The following GRIA1 variants were observed in gnomAD, a reference collection of about 807,000 sequenced individuals.
GRIA1 encodes the protein glutamate receptor 1.
GRIA1 carries 31 observed loss-of-function variants against 99.2 expected under a neutral mutation model. That is an observed-to-expected ratio of 0.31 (90% CI 0.23 to 0.42). GRIA1 has a LOEUF of 0.42. Among genes scored for constraint, GRIA1 ranks in the 10% least tolerant of loss-of-function variants. The pLI is 1.00. For synonymous variants in GRIA1, 438 were observed against 432.4 expected, an observed-to-expected ratio of 1.01 and a Z score of -0.16; for missense variants, 782 against 1,157.5, an observed-to-expected ratio of 0.68 and a Z score of 4.71.
At chr5:153,705,474 C>G (rs893434684) in intron 10 of GRIA1, among the ~76,000 whole-genome samples, 1 of 152,120 alleles carries the variant, frequency 6.6e-6, no homozygotes, top group African/African-American at 2.4e-5. Context: ...ACATTTAGAA[C>G]AGTCAAATAA....
chr5:153,679,162 A>G (rs1467759792), intron 7 of GRIA1, among the ~76,000 whole-genome samples: 1 of 152,192 alleles, frequency 6.6e-6, no homozygotes, highest in East Asian at 1.9e-4. Context: ...TTGAGGATCT[A>G]TGGTGTGCCC....
chr5:153,747,716 G>A (rs756052590), intron 11 of GRIA1, among the ~76,000 whole-genome samples: 10 of 152,160 alleles, frequency 6.6e-5, no homozygotes, highest in Non-Finnish European at 1.3e-4. Flanking sequence ...AAGCCAGCCT[G>A]CCCTGCAGAG....
intron 14 of GRIA1, among the ~76,000 whole-genome samples, chr5:153,795,757 G>A (rs961538773): frequency 1.3e-5 from 2 of 152,060 alleles, no homozygotes; most frequent in African/African-American, 2.4e-5. Flanking sequence ...ATATCAGCAC[G>A]CCAGTGTTTC....
intron 2 of GRIA1, chr5:153,573,247 G>C (rs1364791967): frequency 1.3e-5 from 2 of 152,160 alleles, no homozygotes; most frequent in Non-Finnish European, 2.9e-5. Flanking sequence ...GTTGGGCTAG[G>C]GGCCTGCCTG....
chr5:153,697,204 C>T (rs1435932337), intron 8 of GRIA1, among the ~76,000 whole-genome samples: 1 of 152,220 alleles, frequency 6.6e-6, no homozygotes, highest in Non-Finnish European at 1.5e-5. Flanking sequence ...GCTTTTGCTT[C>T]TCTGAACTCC....
chr5:153,684,279 G>A, intron 7 of GRIA1, among the ~76,000 whole-genome samples: 1 of 152,288 alleles, frequency 6.6e-6, no homozygotes, highest in East Asian at 1.9e-4. Context: ...TTAGTATTAA[G>A]TATCACCATT....
intron 5 of GRIA1, among the ~76,000 whole-genome samples, chr5:153,671,979 A>G (rs1308128972): frequency 6.6e-6 from 1 of 152,184 alleles, no homozygotes; most frequent in Non-Finnish European, 1.5e-5. Flanking sequence ...TAACTCTACT[A>G]TGTTCTTCCA....
chr5:153,794,088 G>A (rs1765480584), intron 13 of GRIA1, among the ~76,000 whole-genome samples: 1 of 152,096 alleles, frequency 6.6e-6, no homozygotes, highest in African/African-American at 2.4e-5. Flanking sequence ...ATTTCTTTAT[G>A]TGACTTGATT....
chr5:153,732,855 G>A (rs1761136278), intron 11 of GRIA1, among the ~76,000 whole-genome samples: 1 of 150,748 alleles, frequency 6.6e-6, no homozygotes, highest in African/African-American at 2.4e-5. Context: ...ACAGTTTCTG[G>A]TCTTACTTTA....
At chr5:153,619,642 A>G (rs1766842416) in intron 2 of GRIA1, among the ~76,000 whole-genome samples, 1 of 152,180 alleles carries the variant, frequency 6.6e-6, no homozygotes, top group Non-Finnish European at 1.5e-5. Flanking sequence ...TAAAATGGAA[A>G]AGGGACAAGG....
intron 13 of GRIA1, among the ~76,000 whole-genome samples, chr5:153,773,541 C>A (rs190024999): frequency 2.0e-5 from 3 of 152,302 alleles, no homozygotes; most frequent in Admixed American, 2.0e-4. Flanking sequence ...TGAGGAGTAA[C>A]CCTGCTTTTA....
chr5:153,794,639 A>C lies in GRIA1; in HGVS notation c.2289A>C (p.Ala763=). 6.2e-7 allele frequency: 1 copy of C among 1,610,406 alleles called. No individual in the cohort carries two copies. The change falls in exon 14 of 16, where the codon GCA becomes GCC. Residue 763 remains alanine (A), a synonymous_variant. Coordinates refer to ENST00000285900, the MANE Select transcript of GRIA1 (RefSeq NM_000827.4). Reference sequence around the variant, plus strand: ...TTTAAAGAAATCCAGTAAACCTGGCAGTGTTAAAACTGAACGAGCAGGGGC... The same window carrying C: ...TTTAAAGAAATCCAGTAAACCTGGCCGTGTTAAAACTGAACGAGCAGGGGC... ...GSALRNPVNL[A]VLKLNEQGLL...
At chr5:153,693,902 TCTTTGCCAG>T (rs1757926619) in intron 8 of GRIA1, among the ~76,000 whole-genome samples, 1 of 152,216 alleles carries the variant, frequency 6.6e-6, no homozygotes, top group Non-Finnish European at 1.5e-5. Context: ...TGTTCAAAAA[TCTTTGCCAG>T]CTTTCTTTTC....
chr5:153,524,960 T>C (rs1270620953), intron 2 of GRIA1, among the ~76,000 whole-genome samples: 2 of 152,216 alleles, frequency 1.3e-5, no homozygotes, highest in Non-Finnish European at 2.9e-5. Flanking sequence ...AGAACTGTCT[T>C]TGTATAAATA....
chr5:153,586,184 C>A (rs1157664343), intron 2 of GRIA1, among the ~76,000 whole-genome samples: 3 of 152,112 alleles, frequency 2.0e-5, no homozygotes, highest in East Asian at 1.9e-4. Context: ...AGTTGTAATT[C>A]TTTTACCCTC....
At chr5:153,670,852 T>C (rs1756115022) in intron 5 of GRIA1, among the ~76,000 whole-genome samples, 1 of 152,216 alleles carries the variant, frequency 6.6e-6, no homozygotes, top group Non-Finnish European at 1.5e-5. Flanking sequence ...GTTCATTTTC[T>C]TGAATTATGG....
chr5:153,796,415 CA>C (rs1043098900), intron 14 of GRIA1, among the ~76,000 whole-genome samples: 1 of 151,140 alleles, frequency 6.6e-6, no homozygotes, highest in Admixed American at 6.6e-5. Context: ...GTACTTCTTG[CA>C]AAAAAAAGAA....
At position 153,625,756 on chromosome 5, in the gene GRIA1, A is replaced by G. The variant is rs941614846; in HGVS notation, c.221-21172A>G. Among the ~76,000 whole-genome samples the G allele has an allele frequency of 3.9e-5, 6 of 152,222 alleles. No individual in the cohort carries two copies. The East Asian group carries it at 1.2e-3, about 29-fold the overall frequency. On this transcript the variant is annotated intron_variant, in intron 2 of 15. Transcript: ENST00000285900. ...AGGATCCAGTGAAGTTTCTATAGCAACATTTACTGAGCAAATATTATGTGC... is the reference window on the plus strand; with the variant it reads ...AGGATCCAGTGAAGTTTCTATAGCAGCATTTACTGAGCAAATATTATGTGC...
intron 4 of GRIA1, among the ~76,000 whole-genome samples, chr5:153,654,958 A>G (rs901251821): frequency 6.6e-6 from 1 of 152,094 alleles, no homozygotes; most frequent in Non-Finnish European, 1.5e-5. Context: ...TTCCACAAAT[A>G]TTTTTTCTAC....
Sources: gnomAD v4.1 joint callset for allele counts (sites outside exome capture counted in the v4.1 genomes callset) on GRCh38, gnomAD v4.1.1 for gene constraint, MANE v1.5 for transcripts, NCBI Gene and HGNC (gene_info 2026-07-23, HGNC 2026-07-21) for gene names.